KMT5C: variants seen among roughly 807,000 people sequenced by gnomAD.
KMT5C encodes the protein histone-lysine N-methyltransferase KMT5C.
KMT5C carries 16 observed loss-of-function variants against 38.2 expected under a neutral mutation model. That is an observed-to-expected ratio of 0.42 (90% CI 0.28 to 0.64). The LOEUF (loss-of-function observed/expected upper bound fraction) is 0.64. KMT5C is among the 30% of genes least tolerant of loss of function. The probability of loss-of-function intolerance (pLI) is 0.23; values close to 1 mark genes in which losing one functional copy is unlikely to be tolerated. For missense variants in KMT5C, 598 were observed against 665.1 expected, an observed-to-expected ratio of 0.90 and a Z score of 1.11; for synonymous variants, 291 against 279.0, an observed-to-expected ratio of 1.04 and a Z score of -0.43.
rs904484027 is a variant in KMT5C at position 55,343,308 on chromosome 19, G to A, written c.387-372G>A. On this transcript the variant is annotated intron_variant, in intron 4 of 8. Transcript: ENST00000255613. This position sits in a 1 kb window ranked among gnomAD's most constrained non-coding sequence, Gnocchi z 5.5. ...AGGAATGAGCAAGTGCTCCCAGGGC[G>A]AGGCTCACACTGACAGGGGAAGCAC... The A allele has an allele frequency of 1.5e-5, 5 of 333,278 alleles. No individual in the cohort carries two copies. Among genetic ancestry groups the A allele is most frequent in the East Asian group, 1.2e-4 (2 of 16,058 alleles). 20.6% of individuals were successfully genotyped at this position (333,278 alleles called of 1,614,324 possible).
intron 6 of KMT5C, chr19:55,344,696 C>T (rs2089597727): frequency 1.9e-6 from 1 of 520,606 alleles, no homozygotes; most frequent in Non-Finnish European, 3.9e-6. Flanking sequence ...CAGAGAGCCC[C>T]AGGGGCCAGG....
Position 55,342,387 on chromosome 19 carries a change from GCGCCCTCCCCTCCCC to G in KMT5C, c.276+15_276+29del. On this transcript the variant is annotated splice_region_variant and intron_variant, in intron 3 of 8. Coordinates refer to ENST00000255613, the MANE Select transcript of KMT5C (RefSeq NM_032701.4). ...GGCTGCCCTCAAGACCCACGTGAGG[GCGCCCTCCCCTCCCC>G]CGCCCTCACCGCGTGTCCTCCCCGC... 1 of 1,490,962 alleles carries G rather than the reference GCGCCCTCCCCTCCCC, an allele frequency of 6.7e-7. No homozygotes were observed. The highest frequency in any genetic ancestry group is 8.9e-7 in the Non-Finnish European group (1 of 1,121,418). The allele number at this position is 1,490,962 out of a possible 1,614,324, so 92.4% of individuals were successfully genotyped here. A position where few individuals can be genotyped will look rare whatever the true frequency, so the allele number is the denominator to read the frequency against.
chr19:55,343,454 C>G lies in KMT5C; in HGVS notation c.387-226C>G. The G allele has an allele frequency of 1.7e-6, 1 of 587,464 alleles. No homozygotes were observed. The highest frequency in any genetic ancestry group is 3.0e-6 in the Non-Finnish European group (1 of 328,966). The allele number at this position is 587,464 out of a possible 1,614,324, so 36.4% of individuals were successfully genotyped here. On this transcript the variant is annotated intron_variant, in intron 4 of 8. Transcript: ENST00000255613. This position sits in a 1 kb window ranked among gnomAD's most constrained non-coding sequence, Gnocchi z 5.5. ...CTGTATCTGCTGTGTGCGTGCTGCCCTGAAGGCTTTCAGTAGAAGGGTCCT... is the reference window on the plus strand; with the variant it reads ...CTGTATCTGCTGTGTGCGTGCTGCCGTGAAGGCTTTCAGTAGAAGGGTCCT...
At position 55,347,481 on chromosome 19, in the gene KMT5C, A is replaced by G; in HGVS notation, c.*32A>G. On this transcript the variant is annotated 3_prime_UTR_variant, in exon 9 of 9. Coordinates refer to ENST00000255613, the MANE Select transcript of KMT5C (RefSeq NM_032701.4). This position sits in a 1 kb window ranked among gnomAD's most constrained non-coding sequence, Gnocchi z 4.6. ...GGACGGGGAGGCCCAGCAGGGAGAG[A>G]GGGTCTCTCTCCTAGCTGCTACCCA... is the stretch of plus-strand genomic sequence containing the variant. 3 of 1,509,616 alleles carry G rather than the reference A, an allele frequency of 2.0e-6. No individual in the cohort carries two copies. The highest frequency in any genetic ancestry group is 2.6e-6 in the Non-Finnish European group (3 of 1,137,492). The allele number at this position is 1,509,616 out of a possible 1,614,324, so 93.5% of individuals were successfully genotyped here.
Position 55,343,439 on chromosome 19 carries a change from T to C in KMT5C, c.387-241T>C. 1 of 569,720 alleles carries C rather than the reference T, an allele frequency of 1.8e-6. No homozygotes were observed. The highest frequency in any genetic ancestry group is 3.1e-6 in the Non-Finnish European group (1 of 317,838). 35.3% of individuals were successfully genotyped at this position (569,720 alleles called of 1,614,324 possible). A position where few individuals can be genotyped will look rare whatever the true frequency, so the allele number is the denominator to read the frequency against. On this transcript the variant is annotated intron_variant, in intron 4 of 8. Coordinates refer to ENST00000255613, the MANE Select transcript of KMT5C (RefSeq NM_032701.4). This position sits in a 1 kb window ranked among gnomAD's most constrained non-coding sequence, Gnocchi z 5.5. Reference sequence around the variant, plus strand: ...GGGAGAGAATGGGGGCTGTATCTGCTGTGTGCGTGCTGCCCTGAAGGCTTT... The same window carrying C: ...GGGAGAGAATGGGGGCTGTATCTGCCGTGTGCGTGCTGCCCTGAAGGCTTT...
intron 8 of KMT5C, 95 bp downstream of exon 8, chr19:55,346,782 C>T: frequency 9.1e-7 from 1 of 1,104,656 alleles, no homozygotes; most frequent in Non-Finnish European, 1.3e-6. Context: ...AGCCTGGAAC[C>T]CTCCCTCCCA....
chr19:55,346,891 GC>G, intron 8 of KMT5C, 64 bp from the exon 9 acceptor site: 1 of 776,090 alleles, frequency 1.3e-6, no homozygotes, highest in Non-Finnish European at 2.2e-6. Flanking sequence ...AGGAGGACCG[GC>G]CCAGCTTGCA....
At chr19:55,340,758 C>A (rs1403967900) in intron 1 of KMT5C, among the ~76,000 whole-genome samples, 1 of 151,958 alleles carries the variant, frequency 6.6e-6, no homozygotes, top group East Asian at 1.9e-4. Flanking sequence ...CCATTCCCCG[C>A]TCTCTGTCCT....
intron 6 of KMT5C, 165 bp downstream of exon 6, chr19:55,344,162 C>T: frequency 1.5e-6 from 1 of 675,102 alleles, no homozygotes; most frequent in Non-Finnish European, 2.5e-6. Flanking sequence ...ATCACGAGGT[C>T]AGGAGATGGA....
At position 55,341,904 on chromosome 19, in the gene KMT5C, C is replaced by T; in HGVS notation, c.-33C>T. On this transcript the variant is annotated 5_prime_UTR_variant, in exon 2 of 9. Transcript: ENST00000255613. ...TGCCTTGCCCTCACCTGCTCCTGCT[C>T]TCTGCCAGAGGCAGCATGGTCCGCA... 1 of 1,574,970 alleles carries T rather than the reference C, an allele frequency of 6.3e-7. No homozygotes were observed. The highest frequency in any genetic ancestry group is 8.7e-7 in the Non-Finnish European group (1 of 1,145,376).
Position 55,341,841 on chromosome 19 carries a change from TG to T in KMT5C, c.-93del. 1 of 875,664 alleles carries T rather than the reference TG, an allele frequency of 1.1e-6. No homozygotes were observed. Among genetic ancestry groups the T allele is most frequent in the Non-Finnish European group, 1.9e-6 (1 of 526,576 alleles). 54.2% of individuals were successfully genotyped at this position (875,664 alleles called of 1,614,324 possible). ...CGTCCCCCATGGCTTCTGAGTAGCG[TG>T]GGAGTGGAGTCAGCACCAAGCCAGG... On this transcript the variant is annotated 5_prime_UTR_variant, in exon 2 of 9. Coordinates refer to ENST00000255613, the MANE Select transcript of KMT5C (RefSeq NM_032701.4).
At chr19:55,345,984 G>A (rs1266207687) in intron 6 of KMT5C, 9 of 583,426 alleles carry the variant, frequency 1.5e-5, no homozygotes, top group Non-Finnish European at 2.8e-5. Flanking sequence ...TTAGATCATC[G>A]TCCTGCAGGG....
At position 55,347,327 on chromosome 19, in the gene KMT5C, C is replaced by A. The variant is rs762927435; in HGVS notation, c.1267C>A (p.Pro423Thr). 6.3e-7 allele frequency: 1 copy of A among 1,575,856 alleles called. No homozygotes were observed. Among genetic ancestry groups the A allele is most frequent in the South Asian group, 1.2e-5 (1 of 86,906 alleles). Reference sequence around the variant, plus strand: ...AGCTACCCCAGCCCCTGCTGGGACCCCAGGCCCCATCCTGATCCCGAAGCA... The same window carrying A: ...AGCTACCCCAGCCCCTGCTGGGACCACAGGCCCCATCCTGATCCCGAAGCA... ...PPATPAPAGT[P>T]GPILIPKQAL... Residue 423 changes from proline (P) to threonine (T), a missense_variant, in exon 9 of 9, where the codon CCA becomes ACA. Pro to Thr is a conservative substitution (Grantham distance 38, BLOSUM62 -1). Around this residue, in one of 3 missense-constraint regions of KMT5C, gnomAD observed 326 missense variants for 298.1 expected, o/e 1.09. Transcript: ENST00000255613. The surrounding 1 kb of genome is among the most constrained non-coding windows in gnomAD (Gnocchi z 4.6).
rs1420080787 is a variant in KMT5C at position 55,343,379 on chromosome 19, AGG to A, written c.387-299_387-298del. On this transcript the variant is annotated intron_variant, in intron 4 of 8. Transcript: ENST00000255613. This position sits in a 1 kb window ranked among gnomAD's most constrained non-coding sequence, Gnocchi z 5.5. ...GCGAGTAGGGGGTAGTCCAGGCAGG[AGG>A]GATTTGGGGGCAGGAGGTGCTATGA... The A allele has an allele frequency of 6.8e-6, 3 of 439,808 alleles. No individual in the cohort carries two copies. In the East Asian group the frequency reaches 1.2e-4, roughly 18 times the overall value. 27.2% of individuals were successfully genotyped at this position (439,808 alleles called of 1,614,324 possible).
chr19:55,343,810 C>T lies in KMT5C; in HGVS notation c.517C>T (p.Leu173=). The T allele has an allele frequency of 6.2e-7, 1 of 1,613,790 alleles. No individual in the cohort carries two copies. Residue 173 remains leucine (L), a synonymous_variant, in exon 5 of 9, where the codon CTG becomes TTG. Transcript: ENST00000255613. The surrounding 1 kb of genome is among the most constrained non-coding windows in gnomAD (Gnocchi z 5.5). ...MYSTRKRSAQ[L]WLGPAAFINH... is the part of the protein sequence containing the mutation. ...CTCAACCCGCAAGCGGAGTGCTCAG[C>T]TGTGGCTGGGCCCAGCCGCCTTCAT...
chr19:55,342,293 T>C lies in KMT5C; in HGVS notation c.189T>C (p.Ala63=). The part of the protein sequence containing the change: ...ETFLRQRDLE[A]AYRALTLGGW... ...TCCTGAGGCAGCGGGACCTGGAGGC[T>C]GCGTACCGGGCCCTGACGCTGGGAG... The change falls in exon 3 of 9, where the codon GCT becomes GCC. Residue 63 remains alanine (A), a synonymous_variant. Transcript: ENST00000255613. 1 of 1,598,840 alleles carries C rather than the reference T, an allele frequency of 6.3e-7. No individual in the cohort carries two copies. The highest frequency in any genetic ancestry group is 8.5e-7 in the Non-Finnish European group (1 of 1,174,202).
In KMT5C at chr19:55,339,970, G is replaced by T. The variant is rs1254819991; in HGVS notation, c.-144+13G>T. The T allele has an allele frequency of 6.5e-6, 1 of 152,930 alleles. No individual in the cohort carries two copies. The highest frequency in any genetic ancestry group is 2.4e-5 in the African/African-American group (1 of 41,362). 9.5% of individuals were successfully genotyped at this position (152,930 alleles called of 1,614,324 possible). ...GGAGGAGAAGCGGGTGAGGGGCGGC[G>T]CGGGGCCCGATCTCTGAGCCCCTTC... On this transcript the variant is annotated intron_variant, in intron 1 of 8. Transcript: ENST00000255613.
intron 6 of KMT5C, 27 bp from the exon 7 acceptor site, chr19:55,346,186 A>C (rs1342580183): frequency 6.2e-7 from 1 of 1,612,790 alleles, no homozygotes; most frequent in Non-Finnish European, 8.5e-7. Flanking sequence ...GCCCTGGGCC[A>C]GGGCGCTGAG....
chr19:55,342,968 C>A, intron 4 of KMT5C, 117 bp downstream of exon 4: 1 of 696,514 alleles, frequency 1.4e-6, no homozygotes, highest in South Asian at 1.6e-5. Flanking sequence ...CCTGGTCCTC[C>A]GGGCATCCTA....
Sources: allele counts gnomAD v4.1 joint callset (sites outside exome capture counted in the v4.1 genomes callset), GRCh38; gene constraint gnomAD v4.1.1; regional missense constraint gnomAD v4.1.1; non-coding constraint Gnocchi (gnomAD v3.1); transcripts MANE v1.5; gene names NCBI Gene and HGNC (gene_info 2026-07-23, HGNC 2026-07-21).